MTMR2: variants seen among roughly 807,000 people sequenced by gnomAD.
MTMR2 encodes myotubularin related protein 2, also known as phosphatidylinositol-3,5-bisphosphate 3-phosphatase MTMR2.
A neutral mutation model predicts 86.9 loss-of-function variants in MTMR2; 55 were observed. The observed-to-expected ratio is 0.63, with a 90% CI of 0.51 to 0.79. The LOEUF is 0.79. Among genes scored for constraint, MTMR2 ranks in the 30% least tolerant of loss-of-function variants. The pLI is 0.00. For missense variants in MTMR2, 659 were observed against 772.3 expected (o/e 0.85, Z 1.74); for synonymous variants, 241 against 266.8 (o/e 0.90, Z 0.94).
chr11:95,877,505 T>C (rs778778833), intron 2 of MTMR2, among the ~76,000 whole-genome samples: 4 of 152,076 alleles, frequency 2.6e-5, no homozygotes, highest in Non-Finnish European at 5.9e-5. Context: ...AAGCATCACT[T>C]CATGCTATGG....
At chr11:95,875,508 T>G (rs1865074601) in intron 2 of MTMR2, among the ~76,000 whole-genome samples, 1 of 152,216 alleles carries the variant, frequency 6.6e-6, no homozygotes, top group South Asian at 2.1e-4. Flanking sequence ...TAATTTTTTT[T>G]TCAAGGTTTT....
intron 7 of MTMR2, among the ~76,000 whole-genome samples, chr11:95,852,397 T>A (rs1048476353): frequency 2.0e-5 from 3 of 152,260 alleles, no homozygotes; most frequent in Non-Finnish European, 4.4e-5. Flanking sequence ...GAGCAGAATG[T>A]ACTCTCCTTT....
chr11:95,900,626 C>CAA, intron 1 of MTMR2, among the ~76,000 whole-genome samples: 1 of 137,664 alleles, frequency 7.3e-6, no homozygotes, highest in East Asian at 2.1e-4. Flanking sequence ...TTGTAGATAA[C>CAA]ATTTTTTTTT....
At chr11:95,849,443 C>T (rs983645982) in intron 9 of MTMR2, among the ~76,000 whole-genome samples, 14 of 152,074 alleles carry the variant, frequency 9.2e-5, no homozygotes, top group African/African-American at 3.4e-4. Context: ...ATGATTTTTG[C>T]TCCCAAAACA....
intron 2 of MTMR2, among the ~76,000 whole-genome samples, chr11:95,885,868 G>C (rs565768282): frequency 1.4e-4 from 22 of 152,266 alleles, no homozygotes; most frequent in African/African-American, 5.3e-4. Context: ...GCAGTGATAA[G>C]TCATGTTGAT....
At chr11:95,896,688 C>T (rs949643351) in intron 1 of MTMR2, among the ~76,000 whole-genome samples, 2 of 151,866 alleles carry the variant, frequency 1.3e-5, no homozygotes, top group African/African-American at 4.8e-5. Flanking sequence ...ATCACTAGAA[C>T]ATGCAAGATA....
In MTMR2 at chr11:95,909,173, T is replaced by C. The variant is rs529887370; in HGVS notation, c.80+14702A>G. 2.0e-5 allele frequency among the ~76,000 whole-genome samples: 3 copies of C among 152,248 alleles called. No homozygotes were observed. In the East Asian group the frequency reaches 5.8e-4, roughly 29 times the overall value. ...CTTTTGGTCTCAAAAGTTCTACTATTTCAAAGTGTAGCATTTAGGTGAACA... is the reference window on the plus strand; with the variant it reads ...CTTTTGGTCTCAAAAGTTCTACTATCTCAAAGTGTAGCATTTAGGTGAACA... On this transcript the variant is annotated intron_variant, in intron 1 of 14. Transcript: ENST00000346299.
At chr11:95,862,580 G>A (rs1262205282) in intron 3 of MTMR2, among the ~76,000 whole-genome samples, 3 of 152,178 alleles carry the variant, frequency 2.0e-5, no homozygotes, top group African/African-American at 7.2e-5. Context: ...AGGCTGAAAA[G>A]GTGGAGGGAC....
intron 2 of MTMR2, among the ~76,000 whole-genome samples, chr11:95,884,287 G>C (rs528616425): frequency 2.0e-5 from 3 of 152,070 alleles, no homozygotes; most frequent in Non-Finnish European, 2.9e-5. Context: ...TCCTTTTCTG[G>C]TTACTTAGCA....
chr11:95,894,555 T>C (rs948518576), intron 1 of MTMR2, among the ~76,000 whole-genome samples: 19 of 152,264 alleles, frequency 1.2e-4, no homozygotes, highest in African/African-American at 4.6e-4. Flanking sequence ...GTTTACAAAA[T>C]AAGAACTTAC....
At chr11:95,922,363 G>C (rs2135652410) in intron 1 of MTMR2, among the ~76,000 whole-genome samples, 1 of 152,280 alleles carries the variant, frequency 6.6e-6, no homozygotes, top group East Asian at 1.9e-4. Context: ...GTTGTCATTT[G>C]TAACTTTCCC....
chr11:95,846,390 C>A (rs1056774036), intron 10 of MTMR2, among the ~76,000 whole-genome samples: 11 of 152,100 alleles, frequency 7.2e-5, no homozygotes, highest in African/African-American at 2.7e-4. Flanking sequence ...TTGGGTGAGG[C>A]CCACCAGTCA....
chr11:95,923,737 G>C, intron 1 of MTMR2, 138 bp downstream of exon 1: 20 of 1,470,022 alleles, frequency 1.4e-5, no homozygotes, highest in Non-Finnish European at 1.8e-5. Context: ...GGCAGAAGTG[G>C]TTCCCAAGTC....
intron 9 of MTMR2, 24 bp from the exon 10 acceptor site, chr11:95,847,923 A>C: frequency 6.3e-7 from 1 of 1,581,314 alleles, no homozygotes; most frequent in Non-Finnish European, 8.7e-7. Context: ...CACATCATGG[A>C]AAATCATAAA....
chr11:95,860,950 G>A (rs1216985345), intron 5 of MTMR2, among the ~76,000 whole-genome samples: 1 of 152,100 alleles, frequency 6.6e-6, no homozygotes, highest in Admixed American at 6.5e-5. Flanking sequence ...GAGGTCAGGA[G>A]ATTGGGACCA....
At chr11:95,844,270 A>C (rs142973291) in intron 11 of MTMR2, among the ~76,000 whole-genome samples, 1 of 152,190 alleles carries the variant, frequency 6.6e-6, no homozygotes, top group South Asian at 2.1e-4. Context: ...CCATCTGAAT[A>C]AACACTCCAG....
At chr11:95,852,277 T>C (rs918182026) in intron 7 of MTMR2, among the ~76,000 whole-genome samples, 3 of 152,224 alleles carry the variant, frequency 2.0e-5, no homozygotes, top group Non-Finnish European at 4.4e-5. Flanking sequence ...CATTAGGAAG[T>C]AGTAGAGAAT....
chr11:95,880,950 T>C (rs1865300383), intron 2 of MTMR2, among the ~76,000 whole-genome samples: 1 of 152,076 alleles, frequency 6.6e-6, no homozygotes, highest in South Asian at 2.1e-4. Context: ...ACAATCAAAA[T>C]AATAATCTTT....
rs1310887302 is a variant in MTMR2, at chr11:95,862,066, T to C, written c.394A>G (p.Ile132Val). The stretch of plus-strand genomic sequence containing the variant: ...CCACCAATTTTTTCTACTCTATTTA[T>C]CACACCAAGGGAAGCATCTAAAACA... ...PFVLDASLGVINRVEKIGGAS... is the reference protein window; with the variant it reads ...PFVLDASLGVVNRVEKIGGAS... The change falls in exon 5 of 15, where the codon ATA becomes GTA. Residue 132 changes from isoleucine to valine, a missense_variant. By Grantham distance (29) the Ile-to-Val change is conservative (BLOSUM62 3). Transcript: ENST00000346299. 4 of 1,613,890 alleles carry C rather than the reference T, an allele frequency of 2.5e-6. No homozygotes were observed. In the Admixed American group the frequency reaches 6.7e-5, roughly 27 times the overall value.
Sources: allele counts gnomAD v4.1 joint callset (sites outside exome capture counted in the v4.1 genomes callset), GRCh38; gene constraint gnomAD v4.1.1; transcripts MANE v1.5; gene names NCBI Gene and HGNC (gene_info 2026-07-23, HGNC 2026-07-21).